DCT: variants seen among roughly 807,000 people sequenced by gnomAD.
DCT encodes dopachrome tautomerase.
DCT carries 47 observed loss-of-function variants against 53.0 expected under a neutral mutation model. That is an observed-to-expected ratio of 0.89 (90% confidence interval 0.70 to 1.13). DCT has a LOEUF of 1.13. DCT is among the 50% of genes most tolerant of loss of function. DCT has a pLI of 0.00. For missense variants in DCT, 669 were observed against 637.4 expected (o/e 1.05, Z -0.53); for synonymous variants, 244 against 237.0 (o/e 1.03, Z -0.27).
At chr13:94,466,039 GTAT>G (rs1884201161) in intron 3 of DCT, among the ~76,000 whole-genome samples, 1 of 121,340 alleles carries the variant, frequency 8.2e-6, no homozygotes, top group Non-Finnish European at 1.6e-5. Context: ...GTACAATGGA[GTAT>G]TATTCAGCCT....
At chr13:94,506,109 A>G in the DCT span, among the ~76,000 whole-genome samples, 9 of 152,306 alleles carry the variant, frequency 5.9e-5, no homozygotes, top group South Asian at 1.9e-3. Flanking sequence ...ATATATAACT[A>G]ATATACTTGA....
intron 6 of DCT, 29 bp from the exon 7 acceptor site, chr13:94,443,666 C>T (rs1276202672): frequency 6.4e-7 from 1 of 1,564,448 alleles, no homozygotes; most frequent in African/African-American, 1.4e-5. Flanking sequence ...CAGCATTTAA[C>T]ATAAATCAGT....
chr13:94,468,831 A>G lies in DCT; in HGVS notation c.510T>C (p.Asn170=), dbSNP rs1182412893. ...TQHWLGLLGP[N]GTQPQFANCS... ...AGTTGGCAAACTGCGGCTGGGTTCC[A>G]TTGGGCCCAAGCAGGCCCAGCCAGT... is the stretch of plus-strand genomic sequence containing the variant. The change falls in exon 2 of 8, where the codon AAT becomes AAC. Residue 170 remains asparagine (N), a synonymous_variant. Transcript: ENST00000377028. 5.0e-6 allele frequency: 8 copies of G among 1,614,184 alleles called. No homozygotes were observed. The highest frequency in any genetic ancestry group is 5.1e-6 in the Non-Finnish European group (6 of 1,180,018).
At chr13:94,534,097 C>T in the DCT span, among the ~76,000 whole-genome samples, 1 of 151,590 alleles carries the variant, frequency 6.6e-6, no homozygotes, top group Non-Finnish European at 1.5e-5. Context: ...CAGCTTCAGT[C>T]CACATTCACA....
rs139011375 is a variant in DCT, at chr13:94,459,976, A to C, written c.1179+115T>G. 144 of 1,127,354 alleles carry C rather than the reference A, an allele frequency of 1.3e-4. No homozygotes were observed. The African/African-American group carries it at 1.6e-3, about 13-fold the overall frequency. The allele number at this position is 1,127,354 out of a possible 1,614,324, so 69.8% of individuals were successfully genotyped here. A position where few individuals can be genotyped will look rare whatever the true frequency, so the allele number is the denominator to read the frequency against. ...TAGATTGAAATTAATTTACATTTGC[A>C]CACATCACATTGTTCACACAGAGAA... On this transcript the variant is annotated intron_variant, in intron 6 of 7. Coordinates refer to ENST00000377028, the MANE Select transcript of DCT (RefSeq NM_001922.5).
At chr13:94,542,234 GC>G in the DCT span, among the ~76,000 whole-genome samples, 1 of 152,146 alleles carries the variant, frequency 6.6e-6, no homozygotes, top group South Asian at 2.1e-4. Flanking sequence ...TGTTGCCCAG[GC>G]TGGAGTGCAG....
rs1881954288 is a variant in DCT, at chr13:94,437,131, T to C, written c.*2767A>G. On this transcript the variant is annotated 3_prime_UTR_variant, in exon 8 of 8. Transcript: ENST00000377028. Reference sequence around the variant, plus strand: ...TTCAAACAGATTCAGAAAATAGCAATTGTTTGGAAACTCACCAGAAAATAG... The same window carrying C: ...TTCAAACAGATTCAGAAAATAGCAACTGTTTGGAAACTCACCAGAAAATAG... The C allele has an allele frequency of 6.6e-6, 1 of 152,156 alleles. No individual in the cohort carries two copies. The highest frequency in any genetic ancestry group is 1.5e-5 in the Non-Finnish European group (1 of 68,016). The allele number at this position is 152,156 out of a possible 1,614,324, so 9.4% of individuals were successfully genotyped here.
the DCT span, among the ~76,000 whole-genome samples, chr13:94,504,502 G>A: frequency 6.6e-6 from 1 of 152,112 alleles, no homozygotes; most frequent in Non-Finnish European, 1.5e-5. Flanking sequence ...TGAGTAGCTG[G>A]GATTACAGGT....
the DCT span, among the ~76,000 whole-genome samples, chr13:94,522,085 G>A: frequency 3.1e-3 from 472 of 152,258 alleles, 2 homozygotes; most frequent in African/African-American, 0.011. Context: ...TCCTTTTTAT[G>A]GCTGAATAAT....
the DCT span, among the ~76,000 whole-genome samples, chr13:94,520,102 C>G: frequency 6.6e-6 from 1 of 152,186 alleles, no homozygotes; most frequent in Non-Finnish European, 1.5e-5. Context: ...TATTATACCA[C>G]TTGCTGCAAA....
At chr13:94,491,493 A>G in the DCT span, among the ~76,000 whole-genome samples, 1 of 152,294 alleles carries the variant, frequency 6.6e-6, no homozygotes, top group South Asian at 2.1e-4. Flanking sequence ...ATTCTGGGTT[A>G]CTCAGGGTTT....
chr13:94,535,077 A>T, the DCT span, among the ~76,000 whole-genome samples: 11 of 152,324 alleles, frequency 7.2e-5, no homozygotes, highest in African/African-American at 2.4e-4. Context: ...TGCAAACATC[A>T]CTTGAAGGGA....
chr13:94,459,482 A>T (rs189608122), intron 6 of DCT, among the ~76,000 whole-genome samples: 3 of 152,286 alleles, frequency 2.0e-5, no homozygotes, highest in Admixed American at 2.0e-4. Context: ...GCTTAGACAC[A>T]GTTATGGAGT....
intron 6 of DCT, among the ~76,000 whole-genome samples, chr13:94,443,958 G>T (rs2139278613): frequency 6.6e-6 from 1 of 152,288 alleles, no homozygotes; most frequent in African/African-American, 2.4e-5. Flanking sequence ...TTTAACATTG[G>T]TTGCAGATTG....
Position 94,469,000 on chromosome 13 carries a change from G to A in DCT, c.341C>T (p.Thr114Ile). 2 of 1,614,100 alleles carry A rather than the reference G, an allele frequency of 1.2e-6. No individual in the cohort carries two copies. Among genetic ancestry groups the A allele is most frequent in the Non-Finnish European group, 8.5e-7 (1 of 1,179,976 alleles). The change falls in exon 2 of 8, where the codon ACC (threonine) becomes ATC (isoleucine). Residue 114 changes from threonine to isoleucine, a missense_variant. Transcript: ENST00000377028. The stretch of plus-strand genomic sequence containing the variant: ...TTTCTTCCGCTCGCAGTTGGGACCG[G>A]TCCAGCCAAACTTGCAGTCTCCACA... ...YNCGDCKFGW[T>I]GPNCERKKPP... is the part of the protein sequence containing the mutation.
chr13:94,491,164 G>A, the DCT span, among the ~76,000 whole-genome samples: 7 of 152,126 alleles, frequency 4.6e-5, no homozygotes, highest in Non-Finnish European at 8.8e-5. Context: ...CAAACTGAGT[G>A]CCTCAAACAA....
intron 2 of DCT, chr13:94,466,876 A>T (rs1304967919): frequency 6.6e-6 from 2 of 303,970 alleles, no homozygotes; most frequent in African/African-American, 4.3e-5. Flanking sequence ...TTATCTCTTA[A>T]AAGGTTGATT....
At chr13:94,455,563 G>T (rs1423926039) in intron 6 of DCT, among the ~76,000 whole-genome samples, 1 of 152,182 alleles carries the variant, frequency 6.6e-6, no homozygotes, top group Non-Finnish European at 1.5e-5. Context: ...ATTTGTTTAT[G>T]CATGATCTAT....
chr13:94,481,328 A>G (rs1166400104), upstream of DCT, among the ~76,000 whole-genome samples: 11 of 152,186 alleles, frequency 7.2e-5, no homozygotes, highest in Non-Finnish European at 1.6e-4. Flanking sequence ...CATTCAACCT[A>G]ACACATCATG....
Sources: gnomAD v4.1 joint callset for allele counts (sites outside exome capture counted in the v4.1 genomes callset) on GRCh38, gnomAD v4.1.1 for gene constraint, MANE v1.5 for transcripts, NCBI Gene and HGNC (gene_info 2026-07-23, HGNC 2026-07-21) for gene names.